DNAAF9: variants seen among roughly 807,000 people sequenced by gnomAD.
DNAAF9 encodes dynein axonemal assembly factor 9, also known as shulin.
In DNAAF9, 90 loss-of-function variants were observed where a neutral mutation model predicts 167.0. That is an observed-to-expected ratio of 0.54 (90% CI 0.45 to 0.64). The LOEUF is 0.64. Among genes scored for constraint, DNAAF9 ranks in the 30% least tolerant of loss-of-function variants. The probability of loss-of-function intolerance (pLI) is 0.00; values close to 1 mark genes in which losing one functional copy is unlikely to be tolerated. For synonymous variants in DNAAF9, 491 were observed against 508.8 expected, an observed-to-expected ratio of 0.96 and a Z score of 0.47; for missense variants, 1,315 against 1,442.2, an observed-to-expected ratio of 0.91 and a Z score of 1.43.
intron 10 of DNAAF9, among the ~76,000 whole-genome samples, chr20:3,333,468 G>A (rs1414356479): frequency 6.6e-6 from 1 of 152,104 alleles, no homozygotes; most frequent in East Asian, 1.9e-4. Context: ...AACAACACTA[G>A]AATTCAAGGC....
chr20:3,305,167 GT>G, intron 20 of DNAAF9, among the ~76,000 whole-genome samples: 1 of 152,338 alleles, frequency 6.6e-6, no homozygotes, highest in East Asian at 1.9e-4. Flanking sequence ...GAGAGCTGTT[GT>G]TTCCTGGATG....
chr20:3,381,847 C>G (rs1160850657), intron 2 of DNAAF9, among the ~76,000 whole-genome samples: 1 of 152,088 alleles, frequency 6.6e-6, no homozygotes, highest in Non-Finnish European at 1.5e-5. Flanking sequence ...CACTTGGGAT[C>G]AAACAAAGGC....
At chr20:3,308,258 C>T (rs1449064628) in intron 20 of DNAAF9, among the ~76,000 whole-genome samples, 1 of 151,900 alleles carries the variant, frequency 6.6e-6, no homozygotes, top group Non-Finnish European at 1.5e-5. Context: ...CTTCTCCTGA[C>T]ATTCTGTTCC....
chr20:3,358,983 T>C (rs1158888301), intron 7 of DNAAF9, among the ~76,000 whole-genome samples: 3 of 152,198 alleles, frequency 2.0e-5, no homozygotes, highest in African/African-American at 4.8e-5. Context: ...AATAGTTTCC[T>C]GGGAGCACAG....
At chr20:3,366,091 TC>T (rs2083429489) in intron 6 of DNAAF9, among the ~76,000 whole-genome samples, 1 of 152,226 alleles carries the variant, frequency 6.6e-6, no homozygotes, top group African/African-American at 2.4e-5. Context: ...TCTGACATCC[TC>T]CTATGAATCA....
At chr20:3,375,241 C>G in intron 4 of DNAAF9, 115 bp from the exon 5 acceptor site, 1 of 689,300 alleles carries the variant, frequency 1.5e-6, no homozygotes. Context: ...CAGAGGACTG[C>G]ACCCAAGGAG....
intron 13 of DNAAF9, 77 bp downstream of exon 13, chr20:3,326,120 C>T (rs1019078075): frequency 7.1e-6 from 8 of 1,124,188 alleles, no homozygotes; most frequent in Non-Finnish European, 9.4e-6. Context: ...ACAAGATGTC[C>T]AAAGAAGAAA....
At chr20:3,334,833 C>A (rs942283033) in intron 10 of DNAAF9, among the ~76,000 whole-genome samples, 2 of 152,142 alleles carry the variant, frequency 1.3e-5, no homozygotes, top group South Asian at 2.1e-4. Context: ...AAGAAATTCA[C>A]GACTCAGAAG....
chr20:3,377,370 A>G (rs766669391), intron 3 of DNAAF9, among the ~76,000 whole-genome samples: 69 of 152,236 alleles, frequency 4.5e-4, no homozygotes, highest in Non-Finnish European at 7.3e-5. Context: ...ATTTTGGGAT[A>G]AAATACTTAG....
chr20:3,389,682 T>C (rs1192445612), intron 1 of DNAAF9, among the ~76,000 whole-genome samples: 9 of 151,666 alleles, frequency 5.9e-5, no homozygotes, highest in Admixed American at 3.9e-4. Context: ...ATTCTTACAG[T>C]GTAAAAGGGA....
At chr20:3,321,832 G>A (rs1388788863) in intron 16 of DNAAF9, among the ~76,000 whole-genome samples, 1 of 152,142 alleles carries the variant, frequency 6.6e-6, no homozygotes, top group Non-Finnish European at 1.5e-5. Context: ...GCAAGTCTTG[G>A]AACTCAAAGA....
chr20:3,288,884 C>A (rs751219600), intron 26 of DNAAF9, among the ~76,000 whole-genome samples: 4 of 152,140 alleles, frequency 2.6e-5, no homozygotes, highest in Non-Finnish European at 4.4e-5. Flanking sequence ...AGTTTTATAA[C>A]CATCATGACC....
At chr20:3,363,528 ACT>A (rs1289600514) in intron 6 of DNAAF9, among the ~76,000 whole-genome samples, 1 of 144,546 alleles carries the variant, frequency 6.9e-6, no homozygotes, top group East Asian at 2.0e-4. Flanking sequence ...TGCAAAGCAA[ACT>A]CTTTTTTTTT....
At chr20:3,272,393 A>G (rs779209516) in intron 29 of DNAAF9, among the ~76,000 whole-genome samples, 1 of 151,762 alleles carries the variant, frequency 6.6e-6, no homozygotes, top group Admixed American at 6.6e-5. Flanking sequence ...TGCTTGGCTA[A>G]TTTTTTTATT....
chr20:3,355,689 A>C (rs1479993874), intron 7 of DNAAF9, among the ~76,000 whole-genome samples: 1 of 152,226 alleles, frequency 6.6e-6, no homozygotes, highest in Non-Finnish European at 1.5e-5. Context: ...TATAGCAATT[A>C]CACTAGTAGA....
chr20:3,396,787 G>C (rs928232300), intron 1 of DNAAF9, among the ~76,000 whole-genome samples: 7 of 152,144 alleles, frequency 4.6e-5, no homozygotes, highest in Admixed American at 6.5e-5. Context: ...ATGTGTGTAG[G>C]GGGGAAGATT....
chr20:3,294,169 G>A lies in DNAAF9; in HGVS notation c.2208C>T (p.Ile736=). The A allele has an allele frequency of 6.2e-7, 1 of 1,607,064 alleles. No individual in the cohort carries two copies. Among genetic ancestry groups the A allele is most frequent in the Non-Finnish European group, 8.5e-7 (1 of 1,173,600 alleles). The change falls in exon 25 of 37, where the codon ATC becomes ATT. Residue 736 remains isoleucine, a synonymous_variant. Transcript: ENST00000252032. ...CACTTTCTATTCTGTGAGTAGTGTTGATTTCAGCTTGCTGCAGCAGCACAG... is the reference window on the plus strand; with the variant it reads ...CACTTTCTATTCTGTGAGTAGTGTTAATTTCAGCTTGCTGCAGCAGCACAG... ...HLPVLLQQAE[I]NTTHRIESDK...
chr20:3,272,458 C>A (rs952614892), intron 29 of DNAAF9, among the ~76,000 whole-genome samples: 1 of 152,104 alleles, frequency 6.6e-6, no homozygotes, highest in Non-Finnish European at 1.5e-5. Flanking sequence ...AACTCCTGGG[C>A]TCAAGTGATC....
chr20:3,348,627 G>T lies in DNAAF9; in HGVS notation c.691-4C>A. On this transcript the variant is annotated splice_polypyrimidine_tract_variant and splice_region_variant and intron_variant, in intron 7 of 36. Transcript: ENST00000252032. ...GATGTTCAAAAGCCACCAAATCCTG[G>T]GAAAAAAAGGAAAAAGATAACGTGT... is the stretch of plus-strand genomic sequence containing the variant. 1 of 1,554,760 alleles carries T rather than the reference G, an allele frequency of 6.4e-7. No individual in the cohort carries two copies. Among genetic ancestry groups the T allele is most frequent in the Non-Finnish European group, 8.8e-7 (1 of 1,141,356 alleles).
Sources: gnomAD v4.1 joint callset for allele counts (sites outside exome capture counted in the v4.1 genomes callset) on GRCh38, gnomAD v4.1.1 for gene constraint, MANE v1.5 for transcripts, NCBI Gene and HGNC (gene_info 2026-07-23, HGNC 2026-07-21) for gene names.